Variants in LPAR1 observed in about 807,000 individuals in gnomAD.
The protein encoded by LPAR1 is lysophosphatidic acid receptor 1, also known as LPA receptor 1.
LPAR1 carries 5 observed loss-of-function variants against 23.8 expected under a neutral mutation model. The observed-to-expected ratio is 0.21, with a 90% confidence interval of 0.11 to 0.44. The LOEUF is 0.44. Ranked by LOEUF, LPAR1 falls within the 20% of genes least tolerant of loss-of-function variation. The pLI is 0.99. For missense variants in LPAR1, 311 were observed against 482.8 expected, an observed-to-expected ratio of 0.64 and a Z score of 3.33; for synonymous variants, 160 against 164.7, an observed-to-expected ratio of 0.97 and a Z score of 0.22.
At chr9:110,904,058 TATCCA>T (rs2090355684) in intron 5 of LPAR1, among the ~76,000 whole-genome samples, 1 of 152,146 alleles carries the variant, frequency 6.6e-6, no homozygotes, top group Non-Finnish European at 1.5e-5. Context: ...TCAAATTCTA[TATCCA>T]GGAAAACTAT....
At chr9:110,913,520 TAC>T (rs2134516744) in intron 5 of LPAR1, among the ~76,000 whole-genome samples, 1 of 148,374 alleles carries the variant, frequency 6.7e-6, no homozygotes, top group Admixed American at 6.6e-5. Context: ...TATGTATATG[TAC>T]ACACACATGT....
chr9:110,923,767 G>GC (rs1309711567), intron 5 of LPAR1, among the ~76,000 whole-genome samples: 1 of 152,190 alleles, frequency 6.6e-6, no homozygotes, highest in Non-Finnish European at 1.5e-5. Flanking sequence ...AGCGGACTCT[G>GC]CTGGTATGCA....
intron 2 of LPAR1, among the ~76,000 whole-genome samples, chr9:111,020,588 C>T (rs2097543429): frequency 6.6e-6 from 1 of 152,200 alleles, no homozygotes; most frequent in Non-Finnish European, 1.5e-5. Context: ...CATCTACATG[C>T]TCTGTGCCTC....
intron 5 of LPAR1, among the ~76,000 whole-genome samples, chr9:110,924,111 A>T (rs1013735524): frequency 6.6e-6 from 1 of 151,990 alleles, no homozygotes; most frequent in African/African-American, 2.4e-5. Context: ...GTGACAAAAG[A>T]CTCCCAATCC....
At chr9:110,961,606 C>A (rs1219820943) in intron 4 of LPAR1, among the ~76,000 whole-genome samples, 1 of 112,556 alleles carries the variant, frequency 8.9e-6, no homozygotes, top group African/African-American at 3.7e-5. Flanking sequence ...GGTGACAGAG[C>A]GAGACTATCT....
At chr9:111,012,093 A>G (rs972810706) in intron 2 of LPAR1, among the ~76,000 whole-genome samples, 1 of 152,120 alleles carries the variant, frequency 6.6e-6, no homozygotes. Flanking sequence ...CTACAAAAAA[A>G]TTTTTAAATT....
chr9:111,033,177 G>T (rs1263635361), intron 2 of LPAR1, among the ~76,000 whole-genome samples: 1 of 152,100 alleles, frequency 6.6e-6, no homozygotes, highest in Admixed American at 6.5e-5. Flanking sequence ...GGACTTCAGG[G>T]TTAAAGTTTC....
chr9:111,003,091 A>C (rs1225934763), intron 2 of LPAR1, among the ~76,000 whole-genome samples: 1 of 152,192 alleles, frequency 6.6e-6, no homozygotes, highest in East Asian at 1.9e-4. Context: ...TGAAATGGAA[A>C]TCCCCTGATC....
intron 5 of LPAR1, among the ~76,000 whole-genome samples, chr9:110,878,594 G>T (rs1344817638): frequency 6.6e-6 from 1 of 152,114 alleles, no homozygotes; most frequent in African/African-American, 2.4e-5. Flanking sequence ...CACCTGAAAG[G>T]TTGATAAGAG....
chr9:110,927,423 C>T (rs963426272), intron 5 of LPAR1, among the ~76,000 whole-genome samples: 1 of 152,062 alleles, frequency 6.6e-6, no homozygotes, highest in Non-Finnish European at 1.5e-5. Flanking sequence ...AAGATTCTTG[C>T]TCAAAGTTAT....
chr9:111,006,985 G>A (rs943105357), intron 2 of LPAR1, among the ~76,000 whole-genome samples: 5 of 152,094 alleles, frequency 3.3e-5, no homozygotes, highest in Non-Finnish European at 7.4e-5. Context: ...TAAGTGATCT[G>A]AGTTCTCTCA....
intron 2 of LPAR1, among the ~76,000 whole-genome samples, chr9:111,010,502 T>C (rs1285684167): frequency 6.6e-6 from 1 of 152,028 alleles, no homozygotes; most frequent in Admixed American, 6.6e-5. Context: ...AAATGTACAA[T>C]CATTGAGGTG....
At chr9:111,006,974 G>GTA (rs1172136789) in intron 2 of LPAR1, among the ~76,000 whole-genome samples, 2 of 152,088 alleles carry the variant, frequency 1.3e-5, no homozygotes, top group Non-Finnish European at 2.9e-5. Flanking sequence ...TCTCTTGGTG[G>GTA]TAAGTGATCT....
At chr9:110,982,898 G>C (rs945270783) in intron 2 of LPAR1, among the ~76,000 whole-genome samples, 1 of 80,840 alleles carries the variant, frequency 1.2e-5, no homozygotes, top group African/African-American at 4.5e-5. Context: ...ACACACACAC[G>C]GCCAAACATG....
intron 5 of LPAR1, among the ~76,000 whole-genome samples, chr9:110,889,715 T>C (rs2083484657): frequency 6.6e-6 from 1 of 152,230 alleles, no homozygotes; most frequent in Admixed American, 6.5e-5. Flanking sequence ...TTAGGCTTGT[T>C]TGCTGTACAA....
At chr9:111,035,944 G>A (rs1041312125) in intron 2 of LPAR1, among the ~76,000 whole-genome samples, 178 bp downstream of exon 2, 1 of 152,214 alleles carries the variant, frequency 6.6e-6, no homozygotes, top group Non-Finnish European at 1.5e-5. Context: ...CAAAAACACT[G>A]AGCAAGTGAG....
intron 4 of LPAR1, among the ~76,000 whole-genome samples, chr9:110,946,741 T>C (rs1399826587): frequency 1.3e-5 from 2 of 151,986 alleles, no homozygotes; most frequent in South Asian, 2.1e-4. Context: ...CCACAGAACA[T>C]GATTCTAAAT....
intron 2 of LPAR1, among the ~76,000 whole-genome samples, chr9:111,032,750 G>C (rs1478567737): frequency 6.6e-6 from 1 of 152,132 alleles, no homozygotes; most frequent in East Asian, 1.9e-4. Context: ...AATGAATATA[G>C]GGAAACTTGC....
At chr9:110,907,060 T>G (rs1405804408) in intron 5 of LPAR1, among the ~76,000 whole-genome samples, 1 of 152,198 alleles carries the variant, frequency 6.6e-6, no homozygotes, top group East Asian at 1.9e-4. Context: ...AAAGTTGATA[T>G]ATATTTGAAA....
Sources: allele counts gnomAD v4.1 joint callset (sites outside exome capture counted in the v4.1 genomes callset), GRCh38; gene constraint gnomAD v4.1.1; transcripts MANE v1.5; gene names NCBI Gene and HGNC (gene_info 2026-07-23, HGNC 2026-07-21).